MTA1: variants seen among roughly 807,000 people sequenced by gnomAD.
MTA1 encodes the protein metastasis-associated protein MTA1.
Under a neutral mutation model 97.0 loss-of-function variants are expected in MTA1, and 15 were observed. That is an observed-to-expected ratio of 0.15 (90% CI 0.10 to 0.24). The LOEUF is 0.24. Among genes scored for constraint, MTA1 ranks in the 10% least tolerant of loss-of-function variants. MTA1 has a pLI of 1.00. For synonymous variants in MTA1, 435 were observed against 417.5 expected, an observed-to-expected ratio of 1.04 and a Z score of -0.51; for missense variants, 709 against 1,015.1, an observed-to-expected ratio of 0.70 and a Z score of 4.10.
chr14:105,425,713 G>C (rs1309832706), intron 1 of MTA1, among the ~76,000 whole-genome samples: 1 of 149,678 alleles, frequency 6.7e-6, no homozygotes, highest in African/African-American at 2.5e-5. Flanking sequence ...GTCCCGGTGG[G>C]CTCATGTCTG....
At chr14:105,461,024 G>A (rs1310407411) in intron 10 of MTA1, 71 bp downstream of exon 10, 1 of 1,455,818 alleles carries the variant, frequency 6.9e-7, no homozygotes, top group Non-Finnish European at 9.4e-7. Flanking sequence ...GGGGGTGTGG[G>A]CTCCACATCC....
At chr14:105,458,578 G>A (rs953625836) in intron 8 of MTA1, among the ~76,000 whole-genome samples, 4 of 152,264 alleles carry the variant, frequency 2.6e-5, no homozygotes, top group African/African-American at 7.2e-5. Context: ...ATAGAAGGGC[G>A]GCCCTTCTGG....
Position 105,463,188 on chromosome 14 carries a change from C to T in MTA1, c.947C>T (p.Pro316Leu). The part of the protein sequence containing the change: ...DFTDIQQDFL[P>L]WKSLTSIIEY... ...GACACGCCTCCTCCCACCCAGCTCC[C>T]GTGGAAGTCGCTGACCAGCATCATT... The change falls in exon 11 of 21, where the codon CCG (proline) becomes CTG (leucine). Residue 316 changes from proline to leucine, a missense_variant. Around this residue, in one of 2 missense-constraint regions of MTA1, gnomAD observed 321 missense variants for 593.5 expected, o/e 0.54. Transcript: ENST00000331320. This position sits in a 1 kb window ranked among gnomAD's most constrained non-coding sequence, Gnocchi z 5.9. 4 of 1,611,504 alleles carry T rather than the reference C, an allele frequency of 2.5e-6. No homozygotes were observed. Among genetic ancestry groups the T allele is most frequent in the Non-Finnish European group, 3.4e-6 (4 of 1,179,822 alleles).
chr14:105,455,047 AG>A (rs1481825219), intron 7 of MTA1, among the ~76,000 whole-genome samples: 1 of 152,106 alleles, frequency 6.6e-6, no homozygotes, highest in African/African-American at 2.4e-5. Context: ...CTGGAACTAC[AG>A]GGGCACCACC....
At chr14:105,452,687 A>C (rs1555428996) in intron 6 of MTA1, among the ~76,000 whole-genome samples, 1 of 152,218 alleles carries the variant, frequency 6.6e-6, no homozygotes, top group African/African-American at 2.4e-5. Flanking sequence ...ATCTCCAAAA[A>C]AAATAAAAGA....
chr14:105,454,076 GC>G (rs1175795549), intron 6 of MTA1, 116 bp from the exon 7 acceptor site: 15 of 711,596 alleles, frequency 2.1e-5, no homozygotes, highest in Non-Finnish European at 3.2e-5. Context: ...CGCCCATGTC[GC>G]CCCACAAGAG....
intron 2 of MTA1, among the ~76,000 whole-genome samples, chr14:105,440,327 G>C (rs2082467749): frequency 6.6e-6 from 1 of 152,260 alleles, no homozygotes; most frequent in South Asian, 2.1e-4. Flanking sequence ...CTGAACCATG[G>C]CTGGGGGAGG....
intron 2 of MTA1, among the ~76,000 whole-genome samples, chr14:105,442,610 TC>T (rs2082574892): frequency 6.6e-6 from 1 of 152,230 alleles, no homozygotes. Flanking sequence ...TAGTGTGGCC[TC>T]ACCGCCTTTA....
intron 18 of MTA1, chr14:105,467,042 G>A (rs1482354548): frequency 7.6e-6 from 4 of 524,666 alleles, no homozygotes; most frequent in Non-Finnish European, 1.4e-5. Context: ...GTGACTGCCC[G>A]CATGCTGCCA....
intron 3 of MTA1, among the ~76,000 whole-genome samples, chr14:105,446,819 C>T (rs1555427293): frequency 6.6e-6 from 1 of 152,232 alleles, no homozygotes; most frequent in Non-Finnish European, 1.5e-5. Flanking sequence ...GCTGTGGGGC[C>T]TGTGGCTGGC....
rs1350718144 is a variant in MTA1 at position 105,420,370 on chromosome 14, C to G, written c.28+307C>G. Among the ~76,000 whole-genome samples the G allele has an allele frequency of 6.6e-6, 1 of 151,750 alleles. No homozygotes were observed. Among genetic ancestry groups the G allele is most frequent in the African/African-American group, 2.4e-5 (1 of 41,386 alleles). On this transcript the variant is annotated intron_variant, in intron 1 of 20. Coordinates refer to ENST00000331320, the MANE Select transcript of MTA1 (RefSeq NM_004689.4). This position sits in a 1 kb window ranked among gnomAD's most constrained non-coding sequence, Gnocchi z 5.3. ...CGGGGCCTGCGGGACATCCGGGGGTCCGGGGCCGGGAGCCCCCAGCGGGAG... is the reference window on the plus strand; with the variant it reads ...CGGGGCCTGCGGGACATCCGGGGGTGCGGGGCCGGGAGCCCCCAGCGGGAG...
At chr14:105,456,169 G>C (rs1055474633) in intron 7 of MTA1, among the ~76,000 whole-genome samples, 8 of 152,248 alleles carry the variant, frequency 5.3e-5, no homozygotes, top group African/African-American at 1.4e-4. Context: ...CCTGGCCAAA[G>C]GTGAAGGCCT....
chr14:105,445,559 G>T, intron 3 of MTA1, 48 bp downstream of exon 3: 1 of 1,596,466 alleles, frequency 6.3e-7, no homozygotes. Flanking sequence ...AGGGTCGGCT[G>T]GGGAGGGCTG....
chr14:105,464,965 C>T, intron 15 of MTA1, 102 bp downstream of exon 15: 1 of 1,435,434 alleles, frequency 7.0e-7, no homozygotes, highest in Non-Finnish European at 9.2e-7. Flanking sequence ...GTTCTGATCT[C>T]AGGGAGCCCC....
At chr14:105,429,390 A>G (rs1409715300) in intron 1 of MTA1, among the ~76,000 whole-genome samples, 2 of 150,886 alleles carry the variant, frequency 1.3e-5, no homozygotes, top group Non-Finnish European at 2.9e-5. Flanking sequence ...GGTTCAAGCG[A>G]TTCTCCTGCC....
intron 1 of MTA1, among the ~76,000 whole-genome samples, chr14:105,437,255 CCTCACGGGTGT>C (rs2082355026): frequency 1.9e-4 from 3 of 15,572 alleles, no homozygotes; most frequent in Admixed American, 1.2e-3. Flanking sequence ...GCAGGTGTGT[CCTCACGGGTGT>C]GTCCTCATGG....
chr14:105,463,683 A>G lies in MTA1; in HGVS notation c.1076+132A>G, dbSNP rs1595410263. On this transcript the variant is annotated intron_variant, in intron 12 of 20. Coordinates refer to ENST00000331320, the MANE Select transcript of MTA1 (RefSeq NM_004689.4). The surrounding 1 kb of genome is among the most constrained non-coding windows in gnomAD (Gnocchi z 5.9). ...TGGGAAAGTTGGGGCAGCCCCCGGGAGGGCGGCCCAGGGCTGGGGGGTTCT... is the reference window on the plus strand; with the variant it reads ...TGGGAAAGTTGGGGCAGCCCCCGGGGGGGCGGCCCAGGGCTGGGGGGTTCT... The G allele has an allele frequency of 2.4e-6, 2 of 824,614 alleles. No homozygotes were observed. Among genetic ancestry groups the G allele is most frequent in the East Asian group, 5.0e-5 (2 of 39,724 alleles). The allele number at this position is 824,614 out of a possible 1,614,324, so 51.1% of individuals were successfully genotyped here.
chr14:105,442,831 A>G (rs8008368), intron 2 of MTA1, among the ~76,000 whole-genome samples: 567 of 20,776 alleles, frequency 0.027, 8 homozygotes, highest in East Asian at 0.058. Context: ...GACTGAGTCC[A>G]CTGTGTGCAG....
chr14:105,457,880 G>T (rs587725921), intron 7 of MTA1, among the ~76,000 whole-genome samples: 2 of 152,068 alleles, frequency 1.3e-5, no homozygotes, highest in African/African-American at 4.8e-5. Flanking sequence ...AGCCAAGATC[G>T]TACCACTGTA....
Sources: allele counts gnomAD v4.1 joint callset (sites outside exome capture counted in the v4.1 genomes callset), GRCh38; gene constraint gnomAD v4.1.1; regional missense constraint gnomAD v4.1.1; non-coding constraint Gnocchi (gnomAD v3.1); transcripts MANE v1.5; gene names NCBI Gene and HGNC (gene_info 2026-07-23, HGNC 2026-07-21).